Variants in HIPK1 observed in about 807,000 individuals in gnomAD.
HIPK1 encodes homeodomain interacting protein kinase 1.
Under a neutral mutation model 117.1 loss-of-function variants are expected in HIPK1, and 28 were observed. That is an observed-to-expected ratio of 0.24 (90% CI 0.18 to 0.33). The LOEUF is 0.33. Among genes scored for constraint, HIPK1 ranks in the 10% least tolerant of loss-of-function variants. HIPK1 has a pLI of 1.00. For synonymous variants in HIPK1, 605 were observed against 562.5 expected (o/e 1.08, Z -1.07); for missense variants, 1,122 against 1,475.1 (o/e 0.76, Z 3.92).
rs529329724 is a variant in HIPK1 at position 113,956,010 on chromosome 1, CAGT to C, written c.1407+364_1407+366del. 1.4e-3 allele frequency among the ~76,000 whole-genome samples: 204 copies of C among 150,342 alleles called. 2 individuals carry two copies. In the Middle Eastern group the frequency reaches 0.014, roughly 10 times the overall value. ...CACTTATGTCATTTAATTTTTTCAA[CAGT>C]AGAAGCTTTTATATTTAGGTAGTAA... On this transcript the variant is annotated intron_variant, in intron 5 of 15. Transcript: ENST00000426820.
intron 11 of HIPK1, among the ~76,000 whole-genome samples, chr1:113,967,114 T>G (rs1430993726): frequency 6.6e-6 from 1 of 152,252 alleles, no homozygotes; most frequent in Non-Finnish European, 1.5e-5. Flanking sequence ...GTACCATATT[T>G]TCTTTATCCA....
chr1:113,940,296 A>C, intron 1 of HIPK1, 86 bp from the exon 2 acceptor site: 1 of 1,173,028 alleles, frequency 8.5e-7, no homozygotes, highest in East Asian at 2.4e-5. Context: ...TATCAAGTAA[A>C]AGTGTGTGTG....
intron 4 of HIPK1, 56 bp from the exon 5 acceptor site, chr1:113,955,507 A>G: frequency 1.8e-6 from 2 of 1,099,532 alleles, no homozygotes; most frequent in Non-Finnish European, 1.4e-6. Context: ...GGTTTTGAAT[A>G]AAATGTGAAA....
In HIPK1 at chr1:113,975,177, T is replaced by C. The variant is rs1673075656; in HGVS notation, c.*1665T>C. 1 of 152,768 alleles carries C rather than the reference T, an allele frequency of 6.5e-6. No homozygotes were observed. Among genetic ancestry groups the C allele is most frequent in the African/African-American group, 2.4e-5 (1 of 41,456 alleles). The allele number at this position is 152,768 out of a possible 1,614,324, so 9.5% of individuals were successfully genotyped here. A position where few individuals can be genotyped will look rare whatever the true frequency, so the allele number is the denominator to read the frequency against. ...ATGTAGTGGTTAATAGAGTTTACAGTGAGCTTGCCTTAGGATGGACCAGCA... is the reference window on the plus strand; with the variant it reads ...ATGTAGTGGTTAATAGAGTTTACAGCGAGCTTGCCTTAGGATGGACCAGCA... On this transcript the variant is annotated 3_prime_UTR_variant, in exon 16 of 16. Transcript: ENST00000426820.
intron 1 of HIPK1, among the ~76,000 whole-genome samples, chr1:113,935,929 GT>G (rs1670218073): frequency 6.6e-6 from 1 of 152,186 alleles, no homozygotes; most frequent in South Asian, 2.1e-4. Flanking sequence ...TGTTAATTCT[GT>G]TTTTGTTGTT....
chr1:113,966,448 G>A (rs1344187508), intron 11 of HIPK1, among the ~76,000 whole-genome samples, 176 bp downstream of exon 11: 1 of 152,170 alleles, frequency 6.6e-6, no homozygotes, highest in Non-Finnish European at 1.5e-5. Context: ...TTGAATATAG[G>A]AAAGCAGTAG....
At chr1:113,929,777 C>T (rs1227297906) in intron 1 of HIPK1, 80 of 938,496 alleles carry the variant, frequency 8.5e-5, no homozygotes, top group Non-Finnish European at 9.4e-5. Flanking sequence ...GGAGGCTCCC[C>T]CTGCGGGACG....
intron 10 of HIPK1, among the ~76,000 whole-genome samples, chr1:113,965,198 C>G (rs1329676035): frequency 6.6e-6 from 1 of 152,012 alleles, no homozygotes; most frequent in East Asian, 1.9e-4. Flanking sequence ...ATTTGAAATT[C>G]AAGAAACAGA....
At chr1:113,933,748 T>A (rs1429481066) in intron 1 of HIPK1, among the ~76,000 whole-genome samples, 1 of 152,042 alleles carries the variant, frequency 6.6e-6, no homozygotes, top group African/African-American at 2.4e-5. Flanking sequence ...GTACTGGTAG[T>A]CCCAGTTACT....
At chr1:113,935,242 G>A (rs1483916757) in intron 1 of HIPK1, among the ~76,000 whole-genome samples, 3 of 151,948 alleles carry the variant, frequency 2.0e-5, no homozygotes, top group Non-Finnish European at 4.4e-5. Context: ...ATGTGTTCTC[G>A]TTCTTTAGCT....
At chr1:113,930,726 C>T (rs916408775) in intron 1 of HIPK1, 5 of 152,124 alleles carry the variant, frequency 3.3e-5, no homozygotes, top group African/African-American at 9.7e-5. Flanking sequence ...GTCTAACCTC[C>T]AGTTTGTTGT....
At chr1:113,946,997 T>C (rs1423199836) in intron 2 of HIPK1, among the ~76,000 whole-genome samples, 1 of 152,202 alleles carries the variant, frequency 6.6e-6, no homozygotes, top group Non-Finnish European at 1.5e-5. Flanking sequence ...GTCCTCACCC[T>C]TCTGTCTTTC....
At chr1:113,939,274 G>C (rs1670482026) in intron 1 of HIPK1, among the ~76,000 whole-genome samples, 2 of 151,382 alleles carry the variant, frequency 1.3e-5, no homozygotes, top group Non-Finnish European at 2.9e-5. Context: ...TCTGCCTTCT[G>C]AGTAGCTAGG....
chr1:113,932,808 C>T (rs183577356), intron 1 of HIPK1, among the ~76,000 whole-genome samples: 2 of 152,256 alleles, frequency 1.3e-5, no homozygotes, highest in East Asian at 1.9e-4. Context: ...TTACTCTACA[C>T]GGTTTTTTAT....
chr1:113,929,567 C>T (rs1169059964), intron 1 of HIPK1, 35 bp downstream of exon 1: 2 of 1,270,432 alleles, frequency 1.6e-6, no homozygotes, highest in South Asian at 1.2e-5. Flanking sequence ...TGAATAGTTC[C>T]GGCGAGGCGG....
chr1:113,932,414 G>A (rs1343778678), intron 1 of HIPK1, among the ~76,000 whole-genome samples: 3 of 139,434 alleles, frequency 2.2e-5, no homozygotes, highest in African/African-American at 8.1e-5. Context: ...ATCTCGCCCT[G>A]TCGCCCAGGT....
chr1:113,955,100 A>G (rs987366066), intron 4 of HIPK1, among the ~76,000 whole-genome samples: 4 of 152,226 alleles, frequency 2.6e-5, no homozygotes, highest in Non-Finnish European at 5.9e-5. Context: ...ACATGATAAA[A>G]TCACAAATTT....
chr1:113,967,595 T>A (rs1672538612), intron 11 of HIPK1, among the ~76,000 whole-genome samples, 171 bp from the exon 12 acceptor site: 1 of 152,230 alleles, frequency 6.6e-6, no homozygotes, highest in Non-Finnish European at 1.5e-5. Context: ...TCCATAGAGT[T>A]GTTTGAGCTG....
chr1:113,963,633 A>G (rs897697665), intron 10 of HIPK1, 112 bp downstream of exon 10: 13 of 1,341,098 alleles, frequency 9.7e-6, no homozygotes, highest in Non-Finnish European at 1.3e-5. Context: ...TTTCAAAAAA[A>G]TTTTTTAGCT....
Sources: gnomAD v4.1 joint callset for allele counts (sites outside exome capture counted in the v4.1 genomes callset) on GRCh38, gnomAD v4.1.1 for gene constraint, MANE v1.5 for transcripts, NCBI Gene and HGNC (gene_info 2026-07-23, HGNC 2026-07-21) for gene names.